UNKL: variants seen among roughly 807,000 people sequenced by gnomAD.
UNKL encodes unk like zinc finger.
In UNKL, 60 loss-of-function variants were observed where a neutral mutation model predicts 78.0. The observed-to-expected ratio is 0.77, with a 90% CI of 0.63 to 0.95. The LOEUF (loss-of-function observed/expected upper bound fraction) is 0.95, where lower values mean the gene tolerates loss of function less well. Among genes scored for constraint, UNKL ranks in the 40% least tolerant of loss-of-function variants. UNKL has a pLI of 0.00. For synonymous variants in UNKL, 608 were observed against 474.8 expected (o/e 1.28, Z -3.65); for missense variants, 1,159 against 1,045.7 (o/e 1.11, Z -1.49).
intron 10 of UNKL, among the ~76,000 whole-genome samples, chr16:1,382,924 CT>C (rs974164473): frequency 9.9e-5 from 15 of 151,160 alleles, no homozygotes; most frequent in African/African-American, 3.7e-4. Flanking sequence ...TGCCACTGCC[CT>C]CCAGTCTGGG....
Position 1,371,621 on chromosome 16 carries a change from G to C in UNKL, c.1265-10C>G. ...AGGTCTAACGCAGAACCTGTCAACAGAGCCCCCCATCATCCACAGCCCACC... is the reference window on the plus strand; with the variant it reads ...AGGTCTAACGCAGAACCTGTCAACACAGCCCCCCATCATCCACAGCCCACC... On this transcript the variant is annotated splice_polypyrimidine_tract_variant and intron_variant, in intron 10 of 14. Transcript: ENST00000389221. 6.5e-7 allele frequency: 1 copy of C among 1,535,916 alleles called. No individual in the cohort carries two copies. The highest frequency in any genetic ancestry group is 8.7e-7 in the Non-Finnish European group (1 of 1,146,750).
At chr16:1,379,788 T>C (rs1291838021) in intron 10 of UNKL, 12 of 767,112 alleles carry the variant, frequency 1.6e-5, no homozygotes, top group African/African-American at 6.0e-5. Flanking sequence ...TCCCCCAACC[T>C]TCCCCCCGAC....
chr16:1,372,759 C>CGGG (rs2035960666), intron 10 of UNKL, among the ~76,000 whole-genome samples: 1 of 152,178 alleles, frequency 6.6e-6, no homozygotes, highest in Non-Finnish European at 1.5e-5. Context: ...CCCTGTGGGC[C>CGGG]GGCGCCGCCT....
At position 1,406,950 on chromosome 16, in the gene UNKL, C is replaced by A. The variant is rs898874126; in HGVS notation, c.288-3606G>T. Among the ~76,000 whole-genome samples the A allele has an allele frequency of 5.3e-5, 8 of 152,072 alleles. No homozygotes were observed. In the East Asian group the frequency reaches 9.7e-4, roughly 19 times the overall value. ...GTCAGGAGTTAAGAGATCAGCCTGGCCAACATGGTGAAACCCCATCTCTAC... is the reference window on the plus strand; with the variant it reads ...GTCAGGAGTTAAGAGATCAGCCTGGACAACATGGTGAAACCCCATCTCTAC... On this transcript the variant is annotated intron_variant, in intron 2 of 14. Coordinates refer to ENST00000389221, the MANE Select transcript of UNKL (RefSeq NM_001372107.1).
At chr16:1,379,627 G>A (rs1436768835) in intron 10 of UNKL, 10 of 984,772 alleles carry the variant, frequency 1.0e-5, no homozygotes, top group Admixed American at 1.2e-4. Context: ...CGCTGGGGCC[G>A]CCGCCAATGC....
intron 2 of UNKL, among the ~76,000 whole-genome samples, chr16:1,405,194 CAAAAAAAAAAAAAAAAAAAA>C (rs529175991): frequency 9.1e-6 from 1 of 109,514 alleles, no homozygotes. Flanking sequence ...GACCCTGTCT[CAAAAAAAAAAAAAAAAAAAA>C]AAAAAAAAAG....
chr16:1,390,564 C>T (rs1036089828), intron 9 of UNKL, 68 bp downstream of exon 9: 50 of 1,497,146 alleles, frequency 3.3e-5, no homozygotes, highest in Non-Finnish European at 3.9e-5. Flanking sequence ...GGGTCAGGCA[C>T]GAGGGCGGGA....
chr16:1,386,387 T>C (rs1412823780), intron 9 of UNKL, among the ~76,000 whole-genome samples: 1 of 152,072 alleles, frequency 6.6e-6, no homozygotes, highest in Non-Finnish European at 1.5e-5. Context: ...ACCCCATCTC[T>C]ACTAAAAATA....
chr16:1,406,283 G>A (rs2142243980), intron 2 of UNKL, among the ~76,000 whole-genome samples: 1 of 151,450 alleles, frequency 6.6e-6, no homozygotes, highest in Admixed American at 6.6e-5. Context: ...CACAATCTCA[G>A]CTCACTGCAA....
Position 1,367,219 on chromosome 16 carries a change from A to AGCTCCTCCT in UNKL, c.1910_1918dup (p.Gln637_Glu639dup). On this transcript the variant is annotated inframe_insertion, in exon 14 of 15. Transcript: ENST00000389221. ...TGTGGAGGCTACGCCCAGGCCCTCC[A>AGCTCCTCCT]GCTCCTCCTGCAGCTGCTTCACCTG... 1.9e-6 allele frequency: 3 copies of AGCTCCTCCT among 1,603,124 alleles called. No individual in the cohort carries two copies. Among genetic ancestry groups the AGCTCCTCCT allele is most frequent in the Non-Finnish European group, 2.5e-6 (3 of 1,177,516 alleles).
chr16:1,398,379 TTTA>T (rs1567229968), intron 5 of UNKL: 5 of 1,018,656 alleles, frequency 4.9e-6, no homozygotes, highest in Non-Finnish European at 5.9e-6. Flanking sequence ...AAAAATAATT[TTTA>T]TTTTCTTTCC....
In UNKL at chr16:1,363,427, AAATT is replaced by A. The variant is rs1196420391; in HGVS notation, c.*2809_*2812del. Reference sequence around the variant, plus strand: ...CAAACATACAGATTGAGGCTTCCAGAAATTAATCCACTTGAGGCGTCCACGCGGA... The same window carrying A: ...CAAACATACAGATTGAGGCTTCCAGAAATCCACTTGAGGCGTCCACGCGGA... On this transcript the variant is annotated 3_prime_UTR_variant, in exon 15 of 15. Coordinates refer to ENST00000389221, the MANE Select transcript of UNKL (RefSeq NM_001372107.1). 1 of 359,112 alleles carries A rather than the reference AAATT, an allele frequency of 2.8e-6. No individual in the cohort carries two copies. 22.2% of individuals were successfully genotyped at this position (359,112 alleles called of 1,614,324 possible). A position where few individuals can be genotyped will look rare whatever the true frequency, so the allele number is the denominator to read the frequency against.
chr16:1,384,447 G>T (rs1318969076), intron 10 of UNKL, among the ~76,000 whole-genome samples: 3 of 151,968 alleles, frequency 2.0e-5, no homozygotes, highest in Non-Finnish European at 2.9e-5. Flanking sequence ...GCACCATCAC[G>T]TGTCTCAGTG....
chr16:1,390,818 T>G (rs2142124282), intron 8 of UNKL, 124 bp from the exon 9 acceptor site: 1 of 1,033,840 alleles, frequency 9.7e-7, no homozygotes, highest in East Asian at 2.7e-5. Context: ...TCATCTGAGC[T>G]CAGGAGTTCG....
rs2038198037 is a variant in UNKL at position 1,414,612 on chromosome 16, G to A, written c.77+3C>T. ...GGGGGCCGCAGGCCGGACGGGCGCT[G>A]ACCTGTAGTGGGTCGGCTTCTCAGT... is the stretch of plus-strand genomic sequence containing the variant. On this transcript the variant is annotated splice_donor_region_variant and intron_variant, in intron 1 of 14. Coordinates refer to ENST00000389221, the MANE Select transcript of UNKL (RefSeq NM_001372107.1). 3 of 1,079,482 alleles carry A rather than the reference G, an allele frequency of 2.8e-6. No homozygotes were observed. Among genetic ancestry groups the A allele is most frequent in the Non-Finnish European group, 3.4e-6 (3 of 884,230 alleles). The allele number at this position is 1,079,482 out of a possible 1,614,324, so 66.9% of individuals were successfully genotyped here. A position where few individuals can be genotyped will look rare whatever the true frequency, so the allele number is the denominator to read the frequency against.
intron 10 of UNKL, among the ~76,000 whole-genome samples, chr16:1,372,268 AAAAC>A (rs1437554584): frequency 1.3e-5 from 2 of 151,936 alleles, no homozygotes; most frequent in Non-Finnish European, 2.9e-5. Flanking sequence ...CATCTCAAAA[AAAAC>A]AAAAACAAAA....
Position 1,387,496 on chromosome 16 carries a change from C to T in UNKL, c.1087-2111G>A, listed in dbSNP as rs530081385. ...TGACCAGACATCCAGGAGCAACGCA[C>T]ACCTGGGAGCTCCTTGTACCCCGAT... On this transcript the variant is annotated intron_variant, in intron 9 of 14. Coordinates refer to ENST00000389221, the MANE Select transcript of UNKL (RefSeq NM_001372107.1). This position sits in a 1 kb window ranked among gnomAD's most constrained non-coding sequence, Gnocchi z 4.1. Among the ~76,000 whole-genome samples, 4 of 152,308 alleles carry T rather than the reference C, an allele frequency of 2.6e-5. No homozygotes were observed. Among genetic ancestry groups the T allele is most frequent in the East Asian group, 3.9e-4 (2 of 5,188 alleles).
At chr16:1,414,123 C>A in intron 1 of UNKL, 68 bp from the exon 2 acceptor site, 4 of 1,434,442 alleles carry the variant, frequency 2.8e-6, no homozygotes, top group South Asian at 1.3e-5. Flanking sequence ...TCGTGGGCGG[C>A]GGGACCCACC....
intron 9 of UNKL, among the ~76,000 whole-genome samples, chr16:1,389,633 G>A (rs1275483723): frequency 2.6e-5 from 4 of 152,156 alleles, no homozygotes; most frequent in African/African-American, 9.7e-5. Flanking sequence ...TGTGGGGGCA[G>A]GGCCCTACGC....
Sources: allele counts gnomAD v4.1 joint callset (sites outside exome capture counted in the v4.1 genomes callset), GRCh38; gene constraint gnomAD v4.1.1; non-coding constraint Gnocchi (gnomAD v3.1); transcripts MANE v1.5; gene names NCBI Gene and HGNC (gene_info 2026-07-23, HGNC 2026-07-21).